GZF1: variants seen among roughly 807,000 people sequenced by gnomAD.
GZF1 encodes GDNF-inducible zinc finger protein 1.
A neutral mutation model predicts 49.4 loss-of-function variants in GZF1; 28 were observed. The observed-to-expected ratio is 0.57, with a 90% CI of 0.42 to 0.78. GZF1 has a LOEUF of 0.78. Ranked by LOEUF, GZF1 falls within the 30% of genes least tolerant of loss-of-function variation. The pLI, the probability that GZF1 is intolerant of heterozygous loss-of-function variation, is 0.00. For missense variants in GZF1, 798 were observed against 916.2 expected, an observed-to-expected ratio of 0.87 and a Z score of 1.67; for synonymous variants, 364 against 356.0, an observed-to-expected ratio of 1.02 and a Z score of -0.25.
Position 23,365,649 on chromosome 20 carries a change from G to C in GZF1, c.1266G>C (p.Leu422=), listed in dbSNP as rs748978905. Residue 422 remains leucine, a synonymous_variant, in exon 2 of 6, where the codon CTG becomes CTC. Coordinates refer to ENST00000338121, the MANE Select transcript of GZF1 (RefSeq NM_022482.5). ...AGGGCCTGAGTTCCAAGACAGCGCTGCGGCTGCACGAGCGCACACACACGG... is the reference window on the plus strand; with the variant it reads ...AGGGCCTGAGTTCCAAGACAGCGCTCCGGCTGCACGAGCGCACACACACGG... ...CGKGLSSKTA[L]RLHERTHTGD... is the part of the protein sequence containing the mutation. The C allele has an allele frequency of 3.1e-6, 5 of 1,601,918 alleles. No homozygotes were observed. The East Asian group carries it at 1.1e-4, about 36-fold the overall frequency.
Position 23,364,895 on chromosome 20 carries a change from G to T in GZF1, c.512G>T (p.Gly171Val), listed in dbSNP as rs756084011. 29 of 1,614,090 alleles carry T rather than the reference G, an allele frequency of 1.8e-5. No homozygotes were observed. Among genetic ancestry groups the T allele is most frequent in the Non-Finnish European group, 2.4e-5 (28 of 1,180,048 alleles). Residue 171 changes from glycine (G) to valine (V), a missense_variant, in exon 2 of 6, where the codon GGC becomes GTC. Transcript: ENST00000338121. ...PAPRASVATD[G>V]PHPSGLTDSL... ...CCCAGGGCAAGTGTGGCCACCGATGGCCCTCACCCCAGTGGTCTCACGGAT... is the reference window on the plus strand; with the variant it reads ...CCCAGGGCAAGTGTGGCCACCGATGTCCCTCACCCCAGTGGTCTCACGGAT...
At chr20:23,363,198 G>A (rs1980900317) in intron 1 of GZF1, 1 of 152,350 alleles carries the variant, frequency 6.6e-6, no homozygotes, top group Non-Finnish European at 1.5e-5. Context: ...TATCAGGGAA[G>A]ATGATGACAA....
At chr20:23,367,543 G>A (rs1426022695) in intron 3 of GZF1, among the ~76,000 whole-genome samples, 1 of 152,146 alleles carries the variant, frequency 6.6e-6, no homozygotes, top group Non-Finnish European at 1.5e-5. Context: ...TTATGACCCG[G>A]CTATTCAGAG....
At position 23,364,967 on chromosome 20, in the gene GZF1, A is replaced by G. The variant is rs1981135180; in HGVS notation, c.584A>G (p.Asp195Gly). The part of the protein sequence containing the change: ...GERASNGMSS[D>G]LPPKKSKDKL... Reference sequence around the variant, plus strand: ...AGAGCCAGCAATGGCATGTCTTCAGATTTGCCACCGAAGAAGTCCAAGGAC... The same window carrying G: ...AGAGCCAGCAATGGCATGTCTTCAGGTTTGCCACCGAAGAAGTCCAAGGAC... Residue 195 changes from aspartate to glycine, a missense_variant, in exon 2 of 6, where the codon GAT becomes GGT. Asp to Gly is a moderately conservative substitution (Grantham distance 94). This residue lies in a region of GZF1 where 247 missense variants were observed against 228.5 expected (regional missense o/e 1.08). Transcript: ENST00000338121. The G allele has an allele frequency of 6.2e-7, 1 of 1,614,252 alleles. No homozygotes were observed. The highest frequency in any genetic ancestry group is 8.5e-7 in the Non-Finnish European group (1 of 1,180,052).
At chr20:23,366,480 T>C (rs1981408803) in intron 2 of GZF1, among the ~76,000 whole-genome samples, 1 of 152,190 alleles carries the variant, frequency 6.6e-6, no homozygotes, top group South Asian at 2.1e-4. Context: ...GATTGCTACT[T>C]CATACTAGTT....
At chr20:23,369,547 AG>A (rs1981817749) in intron 4 of GZF1, 36 bp from the exon 5 acceptor site, 1 of 1,569,942 alleles carries the variant, frequency 6.4e-7, no homozygotes, top group Non-Finnish European at 8.7e-7. Flanking sequence ...AGTAGGCCAA[AG>A]GGACCCACCA....
intron 1 of GZF1, 64 bp downstream of exon 1, chr20:23,362,301 C>A (rs1217010366): frequency 6.6e-6 from 1 of 152,270 alleles, no homozygotes. Context: ...TCTTTGTCCG[C>A]GCGCCCCGGC....
chr20:23,365,679 C>T lies in GZF1; in HGVS notation c.1296C>T (p.Asp432=), dbSNP rs112578924. ...TGCACGAGCGCACACACACGGGAGA[C>T]CGGCCCTACGGCTGCACCGAGTGCG... ...LRLHERTHTG[D]RPYGCTECGA... The change falls in exon 2 of 6, where the codon GAC becomes GAT. Residue 432 remains aspartate, a synonymous_variant. Transcript: ENST00000338121. The T allele has an allele frequency of 1.4e-3, 2,246 of 1,594,372 alleles. 29 individuals are homozygous for T. In the African/African-American group the frequency reaches 0.026, roughly 19 times the overall value.
At chr20:23,367,186 G>A in intron 3 of GZF1, 89 bp downstream of exon 3, 1 of 905,698 alleles carries the variant, frequency 1.1e-6, no homozygotes, top group South Asian at 1.4e-5. Flanking sequence ...ATCTACCAAG[G>A]TGGTGCAGGT....
intron 3 of GZF1, among the ~76,000 whole-genome samples, chr20:23,367,614 T>C (rs1981548323): frequency 6.6e-6 from 1 of 152,226 alleles, no homozygotes; most frequent in African/African-American, 2.4e-5. Flanking sequence ...AAATGCACAA[T>C]TAAGCATACA....
intron 1 of GZF1, among the ~76,000 whole-genome samples, chr20:23,363,567 CA>C (rs1980942529): frequency 6.6e-6 from 1 of 152,222 alleles, no homozygotes; most frequent in Non-Finnish European, 1.5e-5. Context: ...CCCAACCAGC[CA>C]TTGACTGTTA....
rs764171758 is a variant in GZF1 at position 23,364,650 on chromosome 20, A to G, written c.267A>G (p.Ser89=). 6.2e-7 allele frequency: 1 copy of G among 1,614,280 alleles called. No individual in the cohort carries two copies. Among genetic ancestry groups the G allele is most frequent in the East Asian group, 2.2e-5 (1 of 44,894 alleles). The change falls in exon 2 of 6, where the codon TCA becomes TCG. Residue 89 remains serine, a synonymous_variant. Coordinates refer to ENST00000338121, the MANE Select transcript of GZF1 (RefSeq NM_022482.5). ...LNEVQVADFA[S]FLEFVYTAKV... is the part of the protein sequence containing the mutation. ...AAGTGCAGGTTGCTGACTTTGCTTC[A>G]TTTCTTGAGTTTGTCTACACTGCAA...
chr20:23,362,081 G>C (rs1320741909), upstream of GZF1: 1 of 152,186 alleles, frequency 6.6e-6, no homozygotes, highest in East Asian at 1.9e-4. Context: ...CCCTTCCTCA[G>C]CCCCGCCAGG....
intron 3 of GZF1, 101 bp downstream of exon 3, chr20:23,367,198 A>G (rs1981498597): frequency 1.3e-6 from 1 of 790,074 alleles, no homozygotes; most frequent in South Asian, 1.5e-5. Flanking sequence ...GGTGCAGGTT[A>G]AAGCCATGAT....
upstream of GZF1, among the ~76,000 whole-genome samples, chr20:23,361,984 G>A (rs1181572251): frequency 6.6e-6 from 1 of 152,196 alleles, no homozygotes; most frequent in African/African-American, 2.4e-5. Context: ...CAATGCGGCG[G>A]GTGACGCAAT....
At chr20:23,365,956 G>C (rs190106385) in intron 2 of GZF1, among the ~76,000 whole-genome samples, 2 of 152,368 alleles carry the variant, frequency 1.3e-5, no homozygotes, top group East Asian at 3.9e-4. Context: ...GGGCGCCCCT[G>C]CTGGCCGGGA....
chr20:23,362,328 G>A (rs951134117), intron 1 of GZF1, 91 bp downstream of exon 1: 2 of 152,218 alleles, frequency 1.3e-5, no homozygotes, highest in Non-Finnish European at 2.9e-5. Flanking sequence ...GTGGACCTGC[G>A]CGTCTCGGGG....
rs1352947503 is a variant in GZF1 at position 23,364,990 on chromosome 20, G to T, written c.607G>T (p.Asp203Tyr). 1.9e-6 allele frequency: 3 copies of T among 1,614,196 alleles called. No homozygotes were observed. In the East Asian group the frequency reaches 6.7e-5, roughly 36 times the overall value. The change falls in exon 2 of 6, where the codon GAC becomes TAC. Residue 203 changes from aspartate (D) to tyrosine (Y), a missense_variant. Asp to Tyr is a radical substitution (Grantham distance 160). Coordinates refer to ENST00000338121, the MANE Select transcript of GZF1 (RefSeq NM_022482.5). ...SSDLPPKKSK[D>Y]KLDKKKEVVK... ...AGATTTGCCACCGAAGAAGTCCAAGGACAAACTAGACAAGAAGAAAGAGGT... is the reference window on the plus strand; with the variant it reads ...AGATTTGCCACCGAAGAAGTCCAAGTACAAACTAGACAAGAAGAAAGAGGT...
At position 23,365,312 on chromosome 20, in the gene GZF1, G is replaced by A. The variant is rs1981189827; in HGVS notation, c.929G>A (p.Gly310Glu). 6.2e-7 allele frequency: 1 copy of A among 1,608,054 alleles called. No homozygotes were observed. Among genetic ancestry groups the A allele is most frequent in the Non-Finnish European group, 8.5e-7 (1 of 1,176,222 alleles). The stretch of plus-strand genomic sequence containing the variant: ...GAGGAGGAGGAGGAGGACGAAGAAG[G>A]GGAGAAGAAGAAGAGCAACTTTAAG... ...EEEEEEEDEEGEKKKSNFKCS... is the reference protein window; with the variant it reads ...EEEEEEEDEEEEKKKSNFKCS... The change falls in exon 2 of 6, where the codon GGG (glycine) becomes GAG (glutamate). Residue 310 changes from glycine to glutamate, a missense_variant. By Grantham distance (98) the Gly-to-Glu change is moderately conservative. This residue lies in a region of GZF1 where 247 missense variants were observed against 228.5 expected (regional missense o/e 1.08). Coordinates refer to ENST00000338121, the MANE Select transcript of GZF1 (RefSeq NM_022482.5).
Sources: allele counts gnomAD v4.1 joint callset (sites outside exome capture counted in the v4.1 genomes callset), GRCh38; gene constraint gnomAD v4.1.1; regional missense constraint gnomAD v4.1.1; transcripts MANE v1.5; gene names NCBI Gene and HGNC (gene_info 2026-07-23, HGNC 2026-07-21).